KIF2A: variants seen among roughly 807,000 people sequenced by gnomAD.
KIF2A encodes the protein kinesin-like protein KIF2A.
KIF2A carries 22 observed loss-of-function variants against 100.2 expected under a neutral mutation model. The observed-to-expected ratio is 0.22, with a 90% confidence interval of 0.16 to 0.31. KIF2A has a LOEUF of 0.31. Among genes scored for constraint, KIF2A ranks in the 10% least tolerant of loss-of-function variants. The probability of loss-of-function intolerance (pLI) is 1.00; values close to 1 mark genes in which losing one functional copy is unlikely to be tolerated. For synonymous variants in KIF2A, 268 were observed against 285.9 expected (o/e 0.94, Z 0.63); for missense variants, 495 against 898.7 (o/e 0.55, Z 5.74).
intron 1 of KIF2A, among the ~76,000 whole-genome samples, chr5:62,332,557 T>A (rs1052774816): frequency 4.6e-5 from 7 of 152,132 alleles, no homozygotes; most frequent in Admixed American, 3.3e-4. Context: ...TTATATTTGA[T>A]TTAGCAGATT....
At chr5:62,326,775 C>A (rs546609956) in intron 1 of KIF2A, among the ~76,000 whole-genome samples, 1 of 151,872 alleles carries the variant, frequency 6.6e-6, no homozygotes, top group African/African-American at 2.4e-5. Flanking sequence ...GCAGGCAGAT[C>A]GCTTGAGCCC....
intron 7 of KIF2A, 78 bp from the exon 8 acceptor site, chr5:62,357,613 G>A: frequency 4.3e-6 from 3 of 699,828 alleles, no homozygotes; most frequent in Non-Finnish European, 6.9e-6. Context: ...AACCCCTGGA[G>A]GAAATATTAC....
chr5:62,350,907 A>C (rs1249442691), intron 4 of KIF2A, among the ~76,000 whole-genome samples: 1 of 144,354 alleles, frequency 6.9e-6, no homozygotes, highest in South Asian at 2.2e-4. Flanking sequence ...GCGAGACTCC[A>C]TCTCCAAAAA....
chr5:62,380,608 A>T (rs1257996130), intron 19 of KIF2A, among the ~76,000 whole-genome samples: 1 of 152,228 alleles, frequency 6.6e-6, no homozygotes, highest in East Asian at 1.9e-4. Flanking sequence ...TACCAATAAC[A>T]TAAAAGTCTA....
At chr5:62,381,483 G>T (rs899985794) in intron 20 of KIF2A, among the ~76,000 whole-genome samples, 3 of 152,206 alleles carry the variant, frequency 2.0e-5, no homozygotes, top group Non-Finnish European at 4.4e-5. Flanking sequence ...ATCTTAAAGA[G>T]AGAAAATGTA....
At chr5:62,333,046 C>T (rs1179271587) in intron 1 of KIF2A, among the ~76,000 whole-genome samples, 1 of 152,160 alleles carries the variant, frequency 6.6e-6, no homozygotes, top group African/African-American at 2.4e-5. Flanking sequence ...CACTTTGATA[C>T]TTCGCATGAT....
chr5:62,341,142 A>G (rs999759270), intron 1 of KIF2A, among the ~76,000 whole-genome samples: 14 of 152,196 alleles, frequency 9.2e-5, no homozygotes, highest in African/African-American at 2.9e-4. Context: ...AGGCAACATA[A>G]TTCTCAGTCC....
rs1206643130 is a variant in KIF2A, at chr5:62,385,723, CTT to C, written c.*157_*158del. ...TTACATTTCAATTTTGTGAAACACTCTTTTGTCTACAAAATGCTTCTAGTCCA... is the reference window on the plus strand; with the variant it reads ...TTACATTTCAATTTTGTGAAACACTCTTGTCTACAAAATGCTTCTAGTCCA... On this transcript the variant is annotated 3_prime_UTR_variant, in exon 21 of 21. Coordinates refer to ENST00000407818, the MANE Select transcript of KIF2A (RefSeq NM_001098511.3). The C allele has an allele frequency of 3.3e-6, 2 of 604,954 alleles. No individual in the cohort carries two copies. The highest frequency in any genetic ancestry group is 1.9e-5 in the African/African-American group (1 of 53,958). 37.5% of individuals were successfully genotyped at this position (604,954 alleles called of 1,614,324 possible). A position where few individuals can be genotyped will look rare whatever the true frequency, so the allele number is the denominator to read the frequency against.
At chr5:62,372,167 C>T (rs1213148304) in intron 16 of KIF2A, among the ~76,000 whole-genome samples, 1 of 152,026 alleles carries the variant, frequency 6.6e-6, no homozygotes, top group Non-Finnish European at 1.5e-5. Context: ...ATTTAAGTGA[C>T]TTAGTTAAAC....
intron 1 of KIF2A, among the ~76,000 whole-genome samples, chr5:62,330,715 GTC>G (rs1348952396): frequency 6.6e-6 from 1 of 152,060 alleles, no homozygotes; most frequent in Non-Finnish European, 1.5e-5. Context: ...ATGTTTAAAA[GTC>G]TATTAAAAAT....
chr5:62,340,479 G>A (rs973850027), intron 1 of KIF2A, among the ~76,000 whole-genome samples: 1 of 152,132 alleles, frequency 6.6e-6, no homozygotes, highest in Non-Finnish European at 1.5e-5. Flanking sequence ...AAGGCCACAT[G>A]GAAAGATTGT....
At chr5:62,379,930 C>T (rs1396994079) in intron 19 of KIF2A, among the ~76,000 whole-genome samples, 1 of 152,138 alleles carries the variant, frequency 6.6e-6, no homozygotes, top group Non-Finnish European at 1.5e-5. Flanking sequence ...CTCGCTCTGT[C>T]GCCCAGGCTG....
Position 62,343,643 on chromosome 5 carries a change from G to C in KIF2A, c.65-3487G>C, listed in dbSNP as rs571759963. 5.3e-5 allele frequency among the ~76,000 whole-genome samples: 8 copies of C among 152,266 alleles called. 1 individual carries two copies. In the South Asian group the frequency reaches 1.5e-3, roughly 28 times the overall value. ...CTCACTTTTTACCAGGAACATTTTG[G>C]CTGCTCTGGAGAACAGACAGAGGGC... is the stretch of plus-strand genomic sequence containing the variant. On this transcript the variant is annotated intron_variant, in intron 1 of 20. Transcript: ENST00000407818.
At position 62,306,767 on chromosome 5, in the gene KIF2A, G is replaced by GGGA. The variant is rs146073480; in HGVS notation, c.64+232_64+234dup. ...GGCCGCGGGGGAGGGAAGCCGGGTG[G>GGGA]GGAAAGGGCCCGGGTGTCGAGGGTC... On this transcript the variant is annotated intron_variant, in intron 1 of 20. Coordinates refer to ENST00000407818, the MANE Select transcript of KIF2A (RefSeq NM_001098511.3). 2.7e-3 allele frequency among the ~76,000 whole-genome samples: 418 copies of GGGA among 152,282 alleles called. 1 individual carries two copies. Among genetic ancestry groups the GGGA allele is most frequent in the African/African-American group, 9.8e-3 (407 of 41,556 alleles).
At chr5:62,306,836 C>G (rs572710971) in intron 1 of KIF2A, 1 of 393,996 alleles carries the variant, frequency 2.5e-6, no homozygotes, top group Non-Finnish European at 4.6e-6. Flanking sequence ...GCTCCTCCTC[C>G]CGCAATCTCC....
At chr5:62,360,894 C>G (rs1445281377) in intron 9 of KIF2A, among the ~76,000 whole-genome samples, 2 of 151,300 alleles carry the variant, frequency 1.3e-5, no homozygotes, top group East Asian at 3.9e-4. Flanking sequence ...AGTTTTTTTC[C>G]TCTATTAACT....
chr5:62,373,432 C>T (rs1741404589), intron 17 of KIF2A, among the ~76,000 whole-genome samples: 1 of 151,782 alleles, frequency 6.6e-6, no homozygotes, highest in Non-Finnish European at 1.5e-5. Context: ...AATCTACATA[C>T]TGTTCTCATT....
chr5:62,368,612 A>G (rs752754246), intron 16 of KIF2A, among the ~76,000 whole-genome samples: 1 of 152,108 alleles, frequency 6.6e-6, no homozygotes, highest in Non-Finnish European at 1.5e-5. Context: ...CCCCGTCTCT[A>G]TAAAAAATAC....
At chr5:62,354,585 A>T (rs537940210) in intron 6 of KIF2A, among the ~76,000 whole-genome samples, 5 of 152,278 alleles carry the variant, frequency 3.3e-5, no homozygotes, top group South Asian at 2.1e-4. Flanking sequence ...AAGTTTTTTT[A>T]AAATGATCTT....
Sources: allele counts gnomAD v4.1 joint callset (sites outside exome capture counted in the v4.1 genomes callset), GRCh38; gene constraint gnomAD v4.1.1; transcripts MANE v1.5; gene names NCBI Gene and HGNC (gene_info 2026-07-23, HGNC 2026-07-21).